Variants in BAIAP2 observed in about 807,000 individuals in gnomAD.
BAIAP2 encodes the protein BAR/IMD domain containing adaptor protein 2, also known as BAR/IMD domain-containing adapter protein 2.
In BAIAP2, 18 loss-of-function variants were observed where a neutral mutation model predicts 63.0. That is an observed-to-expected ratio of 0.29 (90% CI 0.20 to 0.42). The LOEUF (loss-of-function observed/expected upper bound fraction) is 0.42. Ranked by LOEUF, BAIAP2 falls within the 10% of genes least tolerant of loss-of-function variation. The probability of loss-of-function intolerance (pLI) is 1.00; values close to 1 mark genes in which losing one functional copy is unlikely to be tolerated. For missense variants in BAIAP2, 610 were observed against 734.3 expected, an observed-to-expected ratio of 0.83 and a Z score of 1.96; for synonymous variants, 386 against 307.6, an observed-to-expected ratio of 1.25 and a Z score of -2.67.
intron 3 of BAIAP2, among the ~76,000 whole-genome samples, chr17:81,072,443 T>C (rs1247404761): frequency 6.6e-6 from 1 of 152,214 alleles, no homozygotes; most frequent in Admixed American, 6.5e-5. Flanking sequence ...CTGCCCTGTT[T>C]GACGCCCACA....
At chr17:81,095,407 C>T (rs141697155) in intron 6 of BAIAP2, among the ~76,000 whole-genome samples, 4 of 152,272 alleles carry the variant, frequency 2.6e-5, no homozygotes, top group Non-Finnish European at 5.9e-5. Context: ...CTCTCCTCCC[C>T]GTCCCCGCAC....
chr17:81,038,347 C>T (rs900143256), intron 1 of BAIAP2, among the ~76,000 whole-genome samples: 4 of 152,230 alleles, frequency 2.6e-5, no homozygotes, highest in African/African-American at 4.8e-5. Context: ...GTCTCGTGTC[C>T]GCAGAGAAGC....
At chr17:81,090,888 G>A (rs1483965217) in intron 6 of BAIAP2, among the ~76,000 whole-genome samples, 3 of 152,192 alleles carry the variant, frequency 2.0e-5, no homozygotes, top group South Asian at 2.1e-4. Context: ...CCCGGCCAGC[G>A]GGCTCTGTGG....
intron 2 of BAIAP2, among the ~76,000 whole-genome samples, chr17:81,056,847 GC>G (rs2049660541): frequency 6.6e-6 from 1 of 151,856 alleles, no homozygotes; most frequent in Non-Finnish European, 1.5e-5. Context: ...GCGTTTTTCT[GC>G]TGTTGCGTTT....
intron 1 of BAIAP2, among the ~76,000 whole-genome samples, chr17:81,037,725 G>A (rs540472143): frequency 1.3e-5 from 2 of 152,358 alleles, no homozygotes; most frequent in East Asian, 3.9e-4. Flanking sequence ...CTGTGCTGTG[G>A]CCTGCTTAGT....
intron 9 of BAIAP2, 75 bp from the exon 10 acceptor site, chr17:81,104,439 C>G: frequency 6.8e-7 from 1 of 1,480,118 alleles, no homozygotes; most frequent in Non-Finnish European, 9.1e-7. Context: ...GCTCTCAGCA[C>G]CTCAACCAGA....
chr17:81,064,339 C>T (rs2051094215), intron 3 of BAIAP2, among the ~76,000 whole-genome samples: 1 of 152,220 alleles, frequency 6.6e-6, no homozygotes, highest in Admixed American at 6.5e-5. Flanking sequence ...CTGTCTTCAG[C>T]CCCGTCAGGA....
intron 3 of BAIAP2, among the ~76,000 whole-genome samples, chr17:81,060,145 C>T (rs2050295186): frequency 6.6e-6 from 1 of 152,184 alleles, no homozygotes; most frequent in Non-Finnish European, 1.5e-5. Flanking sequence ...CAGCCTTGCT[C>T]TGGGAGTCAG....
At chr17:81,035,459 G>C (rs2046085837) in intron 1 of BAIAP2, 151 bp downstream of exon 1, 1 of 312,636 alleles carries the variant, frequency 3.2e-6, no homozygotes, top group South Asian at 1.2e-4. Context: ...CGGCCACCCG[G>C]GACCCGGGCT....
chr17:81,103,676 G>T lies in BAIAP2; in HGVS notation c.817G>T (p.Gly273Trp). The T allele has an allele frequency of 6.3e-7, 1 of 1,599,050 alleles. No homozygotes were observed. The highest frequency in any genetic ancestry group is 8.5e-7 in the Non-Finnish European group (1 of 1,173,470). Reference protein sequence around the residue: ...SNLVISDPIPGAKPLPVPPEL... With the variant: ...SNLVISDPIPWAKPLPVPPEL... ...CCTGGTCATTTCCGACCCCATTCCG[G>T]GGGCCAAGCCCCTGCCGGTGCCCCC... The change falls in exon 8 of 14, where the codon GGG (glycine) becomes TGG (tryptophan). Residue 273 changes from glycine to tryptophan, a missense_variant. Gly to Trp is a radical substitution (Grantham distance 184, BLOSUM62 -2). Around this residue, in one of 5 missense-constraint regions of BAIAP2, gnomAD observed 389 missense variants for 455.6 expected, o/e 0.85. Coordinates refer to ENST00000428708, the MANE Select transcript of BAIAP2 (RefSeq NM_001144888.2).
intron 2 of BAIAP2, 36 bp from the exon 3 acceptor site, chr17:81,057,845 T>A (rs774380261): frequency 6.3e-7 from 1 of 1,598,822 alleles, no homozygotes. Context: ...CTGTCCCTCG[T>A]GGAGGAAATA....
At position 81,046,196 on chromosome 17, in the gene BAIAP2, CCAGCCCACCTT is replaced by C. The variant is rs1296809412; in HGVS notation, c.55-7468_55-7458del. ...CCCTTGGGATCCCGTTCTGCAGGCT[CCAGCCCACCTT>C]CAGGCCCCCGTCCTAACCCTGCGCG... On this transcript the variant is annotated intron_variant, in intron 1 of 13. Coordinates refer to ENST00000428708, the MANE Select transcript of BAIAP2 (RefSeq NM_001144888.2). This position sits in a 1 kb window ranked among gnomAD's most constrained non-coding sequence, Gnocchi z 4.5. 6.6e-6 allele frequency among the ~76,000 whole-genome samples: 1 copy of C among 152,126 alleles called. No individual in the cohort carries two copies. Among genetic ancestry groups the C allele is most frequent in the Non-Finnish European group, 1.5e-5 (1 of 67,978 alleles).
intron 3 of BAIAP2, among the ~76,000 whole-genome samples, chr17:81,060,208 C>T (rs899150347): frequency 1.3e-5 from 2 of 152,196 alleles, no homozygotes; most frequent in Non-Finnish European, 2.9e-5. Flanking sequence ...CATACAGTTA[C>T]CCCATTAGAG....
At position 81,046,772 on chromosome 17, in the gene BAIAP2, C is replaced by T. The variant is rs1459106559; in HGVS notation, c.55-6896C>T. Among the ~76,000 whole-genome samples the T allele has an allele frequency of 1.3e-5, 2 of 152,086 alleles. No individual in the cohort carries two copies. The highest frequency in any genetic ancestry group is 4.8e-5 in the African/African-American group (2 of 41,408). The stretch of plus-strand genomic sequence containing the variant: ...TGTGGCCGGGGGTTTCCAGGCTTGG[C>T]TCTGTCCCGTGCGCCCTTCCCTGGA... On this transcript the variant is annotated intron_variant, in intron 1 of 13. Coordinates refer to ENST00000428708, the MANE Select transcript of BAIAP2 (RefSeq NM_001144888.2). The surrounding 1 kb of genome is among the most constrained non-coding windows in gnomAD (Gnocchi z 4.5).
chr17:81,073,802 G>A (rs1488437447), intron 3 of BAIAP2, among the ~76,000 whole-genome samples: 1 of 152,230 alleles, frequency 6.6e-6, no homozygotes, highest in East Asian at 1.9e-4. Flanking sequence ...GCCGAAGTGT[G>A]AGGGGCTCTT....
chr17:81,042,124 T>C (rs1342448999), intron 1 of BAIAP2, among the ~76,000 whole-genome samples: 2 of 143,326 alleles, frequency 1.4e-5, no homozygotes, highest in Non-Finnish European at 3.0e-5. Context: ...TGGCACTTTT[T>C]TTTTTCTTTT....
At chr17:81,052,062 C>T (rs1266931268) in intron 1 of BAIAP2, among the ~76,000 whole-genome samples, 1 of 152,220 alleles carries the variant, frequency 6.6e-6, no homozygotes, top group Non-Finnish European at 1.5e-5. Context: ...AGCCGGGCCT[C>T]AGGGGCTATC....
chr17:81,042,677 G>A (rs1353517029), intron 1 of BAIAP2, among the ~76,000 whole-genome samples: 1 of 152,028 alleles, frequency 6.6e-6, no homozygotes, highest in African/African-American at 2.4e-5. Context: ...GGTAGCACAG[G>A]TGCCTGTGCC....
chr17:81,101,149 G>C (rs2058434725), intron 7 of BAIAP2, among the ~76,000 whole-genome samples: 2 of 152,120 alleles, frequency 1.3e-5, no homozygotes, highest in African/African-American at 4.8e-5. Flanking sequence ...CAGTCCTGCA[G>C]CCCTGTGTTT....
Sources: allele counts gnomAD v4.1 joint callset (sites outside exome capture counted in the v4.1 genomes callset), GRCh38; gene constraint gnomAD v4.1.1; regional missense constraint gnomAD v4.1.1; non-coding constraint Gnocchi (gnomAD v3.1); transcripts MANE v1.5; gene names NCBI Gene and HGNC (gene_info 2026-07-23, HGNC 2026-07-21).